Variants in BRD10 observed in about 807,000 individuals in gnomAD.
BRD10 encodes the protein uncharacterized bromodomain-containing protein 10.
chr9:5,928,216 GTA>G, the BRD10 span, among the ~76,000 whole-genome samples: 1 of 151,900 alleles, frequency 6.6e-6, no homozygotes, highest in African/African-American at 2.4e-5. Flanking sequence ...TACTTTCAAG[GTA>G]TATCCAGAAT....
chr9:5,915,274 T>C, the BRD10 span, among the ~76,000 whole-genome samples: 1 of 152,240 alleles, frequency 6.6e-6, no homozygotes, highest in Non-Finnish European at 1.5e-5. Context: ...CCACCTAATA[T>C]CCTGACTGGT....
At chr9:5,910,499 G>C in the BRD10 span, 4 of 152,104 alleles carry the variant, frequency 2.6e-5, no homozygotes, top group Non-Finnish European at 5.9e-5. Context: ...ACTTCATCAG[G>C]CATTTGGGTA....
chr9:5,883,329 C>A, the BRD10 span, among the ~76,000 whole-genome samples: 15 of 152,170 alleles, frequency 9.9e-5, no homozygotes, highest in African/African-American at 1.9e-4. Flanking sequence ...CTCCAAGGAA[C>A]CTGAACTTGT....
chr9:5,925,536 A>C, the BRD10 span, among the ~76,000 whole-genome samples: 1 of 152,144 alleles, frequency 6.6e-6, no homozygotes, highest in African/African-American at 2.4e-5. Context: ...ATTACTGACT[A>C]TAACACATCT....
chr9:5,934,515 C>T, the BRD10 span, among the ~76,000 whole-genome samples: 2 of 151,746 alleles, frequency 1.3e-5, no homozygotes, highest in Admixed American at 6.6e-5. Flanking sequence ...CCTGCCACCA[C>T]GCCCAACTAA....
the BRD10 span, among the ~76,000 whole-genome samples, chr9:5,931,884 T>C: frequency 6.6e-6 from 1 of 152,180 alleles, no homozygotes; most frequent in East Asian, 1.9e-4. Context: ...AGTTGAAAAT[T>C]AACTGTTCTG....
chr9:5,927,197 G>C, the BRD10 span, among the ~76,000 whole-genome samples: 2 of 152,212 alleles, frequency 1.3e-5, no homozygotes, highest in South Asian at 4.1e-4. Flanking sequence ...AAGAAAAATG[G>C]AGGCAATCAG....
At chr9:5,924,739 C>A in the BRD10 span, 1 of 1,605,992 alleles carries the variant, frequency 6.2e-7, no homozygotes, top group Non-Finnish European at 8.5e-7. Context: ...TTAGGAGAGT[C>A]TTTTCCAAGA....
chr9:5,912,051 C>G, the BRD10 span, among the ~76,000 whole-genome samples: 3 of 152,048 alleles, frequency 2.0e-5, no homozygotes, highest in Admixed American at 1.3e-4. Flanking sequence ...TTTCTGTGTT[C>G]TCTTTGATTT....
the BRD10 span, among the ~76,000 whole-genome samples, chr9:5,971,090 A>G: frequency 1.3e-5 from 2 of 150,782 alleles, no homozygotes; most frequent in Non-Finnish European, 3.0e-5. Context: ...GGAGAAAGAA[A>G]CTTGAACTTG....
At chr9:5,966,940 T>G in the BRD10 span, among the ~76,000 whole-genome samples, 2 of 152,328 alleles carry the variant, frequency 1.3e-5, no homozygotes, top group East Asian at 3.9e-4. Context: ...ATTAAGCCTG[T>G]TTTTGGTAAT....
chr9:5,923,179 A>G, the BRD10 span: 4 of 1,613,898 alleles, frequency 2.5e-6, no homozygotes, highest in Admixed American at 1.7e-5. Context: ...TGTCATCCAC[A>G]TAATCAGTTT....
chr9:5,951,182 G>C, the BRD10 span, among the ~76,000 whole-genome samples: 1 of 151,978 alleles, frequency 6.6e-6, no homozygotes, highest in Non-Finnish European at 1.5e-5. Context: ...CCTGGGTGCA[G>C]ATATTAGGTG....
the BRD10 span, among the ~76,000 whole-genome samples, chr9:5,971,970 T>C: frequency 6.6e-6 from 1 of 152,234 alleles, no homozygotes; most frequent in African/African-American, 2.4e-5. Context: ...ATGGATTTAT[T>C]GCCCAAATTC....
chr9:5,944,555 A>G, the BRD10 span, among the ~76,000 whole-genome samples: 1 of 152,112 alleles, frequency 6.6e-6, no homozygotes, highest in East Asian at 1.9e-4. Context: ...ATAATTATTA[A>G]GAATATTTGC....
At chr9:5,967,092 T>G in the BRD10 span, among the ~76,000 whole-genome samples, 2 of 152,168 alleles carry the variant, frequency 1.3e-5, no homozygotes, top group African/African-American at 2.4e-5. Flanking sequence ...ATTACCAAAT[T>G]TTTGCCAAAT....
the BRD10 span, among the ~76,000 whole-genome samples, chr9:5,897,305 G>A: frequency 6.6e-6 from 1 of 152,156 alleles, no homozygotes; most frequent in East Asian, 1.9e-4. Context: ...CTGGAACTTG[G>A]GTGCCTGGGC....
the BRD10 span, among the ~76,000 whole-genome samples, chr9:6,005,989 C>T: frequency 6.6e-6 from 1 of 152,148 alleles, no homozygotes; most frequent in Non-Finnish European, 1.5e-5. Context: ...TTGAAAATGG[C>T]ATATGGGAAG....
At chr9:5,983,889 T>C in the BRD10 span, among the ~76,000 whole-genome samples, 2 of 150,690 alleles carry the variant, frequency 1.3e-5, no homozygotes, top group Non-Finnish European at 2.9e-5. Context: ...AAACTATGCA[T>C]AGTAAAACAC....
Sources: gnomAD v4.1 joint callset for allele counts (sites outside exome capture counted in the v4.1 genomes callset) on GRCh38, gnomAD v4.1.1 for gene constraint, MANE v1.5 for transcripts, NCBI Gene and HGNC (gene_info 2026-07-23, HGNC 2026-07-21) for gene names.